Variants in PASD1 observed in about 807,000 individuals in gnomAD.
The protein encoded by PASD1 is PAS domain containing repressor 1.
A neutral mutation model predicts 58.8 loss-of-function variants in PASD1; 13 were observed. The ratio of observed to expected loss-of-function variants is 0.22; its 90% CI spans 0.14 to 0.35. PASD1 has a LOEUF of 0.35. Among genes scored for constraint, PASD1 ranks in the 10% least tolerant of loss-of-function variants. The pLI is 1.00. For synonymous variants in PASD1, 236 were observed against 216.7 expected, an observed-to-expected ratio of 1.09 and a Z score of -0.78; for missense variants, 734 against 568.3, an observed-to-expected ratio of 1.29 and a Z score of -2.96.
At chrX:151,638,651 A>G (rs1377401339) in intron 8 of PASD1, among the ~76,000 whole-genome samples, 2 of 111,377 alleles carry the variant, frequency 1.8e-5, no homozygotes, top group Admixed American at 1.9e-4. Flanking sequence ...TTCTATTTTC[A>G]TTCTCAACAG....
intron 8 of PASD1, among the ~76,000 whole-genome samples, chrX:151,628,408 T>C (rs920822536): frequency 2.8e-4 from 32 of 112,448 alleles, no homozygotes; most frequent in Non-Finnish European, 5.2e-4. Flanking sequence ...CGATCCAGTT[T>C]CAGCTTTATA....
chrX:151,606,033 G>C (rs978626058), intron 3 of PASD1, among the ~76,000 whole-genome samples: 1 of 112,406 alleles, frequency 8.9e-6, no homozygotes, highest in Admixed American at 9.4e-5. Flanking sequence ...GCTAGACAAG[G>C]TATAAATACA....
At chrX:151,584,882 C>T (rs1331406174) in intron 1 of PASD1, among the ~76,000 whole-genome samples, 1 of 111,875 alleles carries the variant, frequency 8.9e-6, no homozygotes, top group Non-Finnish European at 1.9e-5. Flanking sequence ...TGTATAGGAC[C>T]ATATTCTGTC....
At chrX:151,582,904 G>A (rs1466894354) in intron 1 of PASD1, among the ~76,000 whole-genome samples, 1 of 111,780 alleles carries the variant, frequency 8.9e-6, no homozygotes, top group African/African-American at 3.3e-5. Context: ...AGTTTCAAGA[G>A]CAAGATCAAT....
chrX:151,590,853 C>T (rs959966294), intron 1 of PASD1, among the ~76,000 whole-genome samples: 1 of 112,220 alleles, frequency 8.9e-6, no homozygotes, highest in Non-Finnish European at 1.9e-5. Flanking sequence ...GTGTGAGCCA[C>T]TGCACCCAGC....
intron 1 of PASD1, among the ~76,000 whole-genome samples, chrX:151,576,956 T>C (rs1243707114): frequency 8.0e-5 from 9 of 111,956 alleles, no homozygotes; most frequent in African/African-American, 2.9e-4. Context: ...CAATTAGAGC[T>C]CATTCTCACC....
intron 8 of PASD1, among the ~76,000 whole-genome samples, chrX:151,638,067 G>C (rs1464293839): frequency 1.8e-5 from 2 of 111,701 alleles, no homozygotes; most frequent in Middle Eastern, 4.6e-3. Flanking sequence ...AACAGTCTGG[G>C]TTCAAATTCT....
intron 8 of PASD1, among the ~76,000 whole-genome samples, chrX:151,630,015 T>C (rs1366417756): frequency 8.9e-6 from 1 of 111,986 alleles, no homozygotes; most frequent in African/African-American, 3.3e-5. Flanking sequence ...GGCTTAAAAT[T>C]ATATCATTTC....
intron 1 of PASD1, among the ~76,000 whole-genome samples, chrX:151,587,053 A>G (rs969023593): frequency 8.1e-5 from 9 of 111,723 alleles, no homozygotes; most frequent in African/African-American, 2.9e-4. Context: ...GACCATCTAG[A>G]AACTTGAAAT....
At chrX:151,624,764 G>A (rs1240974546) in intron 7 of PASD1, among the ~76,000 whole-genome samples, 2 of 111,795 alleles carry the variant, frequency 1.8e-5, no homozygotes, top group African/African-American at 6.5e-5. Context: ...TGTGGAGGGG[G>A]CCTTTACATT....
intron 8 of PASD1, among the ~76,000 whole-genome samples, chrX:151,632,403 T>C (rs1257350163): frequency 9.0e-6 from 1 of 111,032 alleles, no homozygotes; most frequent in Non-Finnish European, 1.9e-5. Context: ...AAGCATATGT[T>C]TGAGAAACAG....
intron 9 of PASD1, among the ~76,000 whole-genome samples, chrX:151,653,868 C>CTCCCTCCTTCTTTCTT (rs1556202852): frequency 1.8e-4 from 3 of 16,462 alleles, no homozygotes; most frequent in Non-Finnish European, 2.2e-4. Flanking sequence ...CCCTCCCTCC[C>CTCCCTCCTTCTTTCTT]TCTTTCTTTC....
intron 11 of PASD1, among the ~76,000 whole-genome samples, chrX:151,666,671 G>C (rs1429409661): frequency 6.8e-5 from 6 of 88,805 alleles, no homozygotes; most frequent in Non-Finnish European, 1.3e-4. Flanking sequence ...TGCTGAGAAT[G>C]ATGGTTTCCA....
In PASD1 at chrX:151,672,491, G is replaced by A; in HGVS notation, c.1746G>A (p.Arg582=). The A allele has an allele frequency of 8.3e-7, 1 of 1,211,743 alleles. No individual in the cohort carries two copies. The highest frequency in any genetic ancestry group is 1.1e-6 in the Non-Finnish European group (1 of 895,533). ...LKHNVIVGNE[R]VQICLQNPRD... is the part of the protein sequence containing the mutation. Reference sequence around the variant, plus strand: ...ATAATGTCATCGTGGGGAATGAGAGGGTGCAGATATGCCTGCAAAACCCAC... The same window carrying A: ...ATAATGTCATCGTGGGGAATGAGAGAGTGCAGATATGCCTGCAAAACCCAC... Residue 582 remains arginine (R), a synonymous_variant, in exon 14 of 16, where the codon AGG becomes AGA. Coordinates refer to ENST00000370357, the MANE Select transcript of PASD1 (RefSeq NM_173493.3).
chrX:151,638,991 T>C (rs1778470596), intron 8 of PASD1, among the ~76,000 whole-genome samples: 2 of 111,896 alleles, frequency 1.8e-5, no homozygotes, highest in South Asian at 7.6e-4. Context: ...CCATTGCACT[T>C]GGAATAAAAT....
At chrX:151,609,786 G>T (rs2013531357) in intron 3 of PASD1, among the ~76,000 whole-genome samples, 1 of 98,626 alleles carries the variant, frequency 1.0e-5, no homozygotes. Context: ...ACCTGTTTGA[G>T]TCCCTGCTTT....
intron 4 of PASD1, among the ~76,000 whole-genome samples, chrX:151,620,506 G>C (rs2013691820): frequency 9.0e-6 from 1 of 110,519 alleles, no homozygotes; most frequent in South Asian, 4.0e-4. Context: ...GGGGTCGGAG[G>C]TTTGAAGGAG....
chrX:151,628,188 G>T (rs1326235493), intron 8 of PASD1, among the ~76,000 whole-genome samples: 1 of 111,081 alleles, frequency 9.0e-6, no homozygotes, highest in East Asian at 2.8e-4. Flanking sequence ...TTCTTTTGCT[G>T]TGCAGAAGCT....
At chrX:151,573,100 T>C (rs867939953) in intron 1 of PASD1, among the ~76,000 whole-genome samples, 1 of 7,782 alleles carries the variant, frequency 1.3e-4, no homozygotes, top group Non-Finnish European at 2.3e-4. Context: ...GGGGTGGGGG[T>C]GGGGGCTGGG....
Sources: gnomAD v4.1 joint callset for allele counts (sites outside exome capture counted in the v4.1 genomes callset) on GRCh38, gnomAD v4.1.1 for gene constraint, MANE v1.5 for transcripts, NCBI Gene and HGNC (gene_info 2026-07-23, HGNC 2026-07-21) for gene names.